The following NPAT variants were observed in gnomAD, a reference collection of about 807,000 sequenced individuals.
The protein encoded by NPAT is nuclear protein, coactivator of histone transcription.
A neutral mutation model predicts 130.7 loss-of-function variants in NPAT; 52 were observed. The observed-to-expected ratio is 0.40, with a 90% CI of 0.32 to 0.50. NPAT has a LOEUF of 0.50. Among genes scored for constraint, NPAT ranks in the 20% least tolerant of loss-of-function variants. The pLI is 0.68. For missense variants in NPAT, 1,687 were observed against 1,662.6 expected (o/e 1.01, Z -0.26); for synonymous variants, 580 against 584.8 (o/e 0.99, Z 0.12).
rs111468348 is a variant in NPAT, at chr11:108,213,778, C to T, written c.37+8722G>A. ...TACTGTAAAGCTACAGTAATCCAGA[C>T]GATGTACGGGCATGAGGTTAGACAC... On this transcript the variant is annotated intron_variant, in intron 1 of 17. Coordinates refer to ENST00000278612, the MANE Select transcript of NPAT (RefSeq NM_002519.3). Among the ~76,000 whole-genome samples, 300 of 152,172 alleles carry T rather than the reference C, an allele frequency of 2.0e-3. 1 individual carries two copies. Among genetic ancestry groups the T allele is most frequent in the Non-Finnish European group, 3.5e-3 (235 of 68,004 alleles).
intron 1 of NPAT, among the ~76,000 whole-genome samples, chr11:108,218,032 C>A (rs879853974): frequency 1.3e-5 from 2 of 152,040 alleles, no homozygotes; most frequent in Non-Finnish European, 2.9e-5. Flanking sequence ...AAACTAGGCA[C>A]TAATCATCTC....
intron 15 of NPAT, among the ~76,000 whole-genome samples, chr11:108,166,530 A>G (rs2077904477): frequency 6.6e-6 from 1 of 152,184 alleles, no homozygotes; most frequent in Non-Finnish European, 1.5e-5. Context: ...TGTATGAGGA[A>G]GGGATCTACT....
chr11:108,176,959 T>A (rs919512565), intron 11 of NPAT, 35 bp downstream of exon 11: 4 of 1,355,408 alleles, frequency 3.0e-6, no homozygotes, highest in Middle Eastern at 1.8e-4. Context: ...TGTAGAAGCC[T>A]TTTTTTTCTG....
rs1210412842 is a variant in NPAT at position 108,189,032 on chromosome 11, A to T, written c.556+74T>A. ...GCCATAATTTTACACTATGAGTATAAAGACATTAGTATATTATCTCATTCA... is the reference window on the plus strand; with the variant it reads ...GCCATAATTTTACACTATGAGTATATAGACATTAGTATATTATCTCATTCA... On this transcript the variant is annotated intron_variant, in intron 6 of 17. Coordinates refer to ENST00000278612, the MANE Select transcript of NPAT (RefSeq NM_002519.3). 3 of 1,189,966 alleles carry T rather than the reference A, an allele frequency of 2.5e-6. No homozygotes were observed. The African/African-American group carries it at 4.5e-5, about 18-fold the overall frequency. 73.7% of individuals were successfully genotyped at this position (1,189,966 alleles called of 1,614,324 possible). A position where few individuals can be genotyped will look rare whatever the true frequency, so the allele number is the denominator to read the frequency against.
chr11:108,190,394 T>C, intron 5 of NPAT, 66 bp downstream of exon 5: 1 of 1,209,150 alleles, frequency 8.3e-7, no homozygotes, highest in South Asian at 1.2e-5. Context: ...TACAATGAAT[T>C]AAAATGTTCA....
chr11:108,185,977 T>C (rs2078103911), intron 8 of NPAT, among the ~76,000 whole-genome samples: 1 of 151,910 alleles, frequency 6.6e-6, no homozygotes, highest in African/African-American at 2.4e-5. Context: ...GGCTTTGGCC[T>C]CTCAAAGTGC....
In NPAT at chr11:108,172,799, A is replaced by C. The variant is rs766888217; in HGVS notation, c.2185T>G (p.Ser729Ala). ...ATATTTGATGCATCTATCTCTGCTG[A>C]GTTGTTGCTAGAAGGTTTATCATCA... ...NTDDKPSSNNSAEIDASNIVS... is the reference protein window; with the variant it reads ...NTDDKPSSNNAAEIDASNIVS... Residue 729 changes from serine (S) to alanine (A), a missense_variant, in exon 13 of 18, where the codon TCA (serine) becomes GCA (alanine). By Grantham distance (99) the Ser-to-Ala change is moderately conservative. Transcript: ENST00000278612. 11 of 1,613,618 alleles carry C rather than the reference A, an allele frequency of 6.8e-6. No individual in the cohort carries two copies. Among genetic ancestry groups the C allele is most frequent in the Non-Finnish European group, 9.3e-6 (11 of 1,179,942 alleles).
At chr11:108,165,481 T>TG (rs1451173385) in intron 15 of NPAT, among the ~76,000 whole-genome samples, 12 of 147,548 alleles carry the variant, frequency 8.1e-5, no homozygotes, top group South Asian at 4.2e-4. Flanking sequence ...TATTTTTTTT[T>TG]TGTGATAGGG....
At chr11:108,214,660 C>A (rs2134901457) in intron 1 of NPAT, among the ~76,000 whole-genome samples, 1 of 145,062 alleles carries the variant, frequency 6.9e-6, no homozygotes, top group Non-Finnish European at 1.5e-5. Context: ...GAGATGGAGT[C>A]CCGCTCTTGT....
intron 1 of NPAT, among the ~76,000 whole-genome samples, chr11:108,202,942 C>A (rs2078287989): frequency 6.6e-6 from 1 of 152,072 alleles, no homozygotes; most frequent in Non-Finnish European, 1.5e-5. Context: ...TGATAATGGG[C>A]CTTACTTCAA....
rs774604484 is a variant in NPAT, at chr11:108,173,064, T to C, written c.1920A>G (p.Ala640=). The C allele has an allele frequency of 6.2e-7, 1 of 1,614,062 alleles. No individual in the cohort carries two copies. Among genetic ancestry groups the C allele is most frequent in the East Asian group, 2.2e-5 (1 of 44,878 alleles). Residue 640 remains alanine (A), a synonymous_variant, in exon 13 of 18, where the codon GCA becomes GCG. Transcript: ENST00000278612. The part of the protein sequence containing the change: ...SSTKQPSNDS[A]SVELNHTENE... Reference sequence around the variant, plus strand: ...TTTCTGTATGATTTAACTCAACAGATGCTGAATCATTAGATGGTTGTTTAG... The same window carrying C: ...TTTCTGTATGATTTAACTCAACAGACGCTGAATCATTAGATGGTTGTTTAG...
chr11:108,210,589 A>G (rs1259104222), intron 1 of NPAT, among the ~76,000 whole-genome samples: 1 of 152,202 alleles, frequency 6.6e-6, no homozygotes, highest in Non-Finnish European at 1.5e-5. Context: ...TTTCTTTATA[A>G]GTTACCCACT....
At position 108,161,801 on chromosome 11, in the gene NPAT, A is replaced by G; in HGVS notation, c.3285T>C (p.Phe1095=). The change falls in exon 17 of 18, where the codon TTT becomes TTC. Residue 1095 remains phenylalanine (F), a synonymous_variant. Coordinates refer to ENST00000278612, the MANE Select transcript of NPAT (RefSeq NM_002519.3). ...ACACATTGGGTGAGTCAAGATTAGG[A>G]AAAGAGACTGCATTCCTTTCTTTGT... ...SQNKERNAVS[F]PNLDSPNVSS... 6.2e-7 allele frequency: 1 copy of G among 1,614,032 alleles called. No individual in the cohort carries two copies. The highest frequency in any genetic ancestry group is 8.5e-7 in the Non-Finnish European group (1 of 1,180,038).
Position 108,192,202 on chromosome 11 carries a change from G to C in NPAT, c.218-12C>G. On this transcript the variant is annotated splice_polypyrimidine_tract_variant and intron_variant, in intron 3 of 17. Transcript: ENST00000278612. Reference sequence around the variant, plus strand: ...ATTATTTGATGTTTCTAAATCATAGGAGAAAAGGTTCTTAATAAACCCAGC... The same window carrying C: ...ATTATTTGATGTTTCTAAATCATAGCAGAAAAGGTTCTTAATAAACCCAGC... 2 of 1,561,434 alleles carry C rather than the reference G, an allele frequency of 1.3e-6. No homozygotes were observed. Among genetic ancestry groups the C allele is most frequent in the Non-Finnish European group, 1.8e-6 (2 of 1,132,420 alleles).
chr11:108,169,470 A>G (rs1207048332), intron 15 of NPAT, among the ~76,000 whole-genome samples: 2 of 152,230 alleles, frequency 1.3e-5, no homozygotes, highest in Non-Finnish European at 2.9e-5. Flanking sequence ...AGCTGTTGGG[A>G]AAAATAGGGA....
intron 10 of NPAT, among the ~76,000 whole-genome samples, chr11:108,177,450 G>A (rs1398074983): frequency 6.6e-6 from 1 of 152,082 alleles, no homozygotes; most frequent in African/African-American, 2.4e-5. Flanking sequence ...GTGGGCCACT[G>A]TACTCAGCGT....
intron 11 of NPAT, 122 bp downstream of exon 11, chr11:108,176,872 T>C (rs573250480): frequency 7.4e-6 from 5 of 676,916 alleles, no homozygotes; most frequent in South Asian, 6.4e-5. Flanking sequence ...CATATAATGT[T>C]TGATGAAATG....
At position 108,172,810 on chromosome 11, in the gene NPAT, G is replaced by T; in HGVS notation, c.2174C>A (p.Ser725Tyr). The T allele has an allele frequency of 6.3e-7, 1 of 1,577,462 alleles. No individual in the cohort carries two copies. Among genetic ancestry groups the T allele is most frequent in the Non-Finnish European group, 8.7e-7 (1 of 1,147,592 alleles). ...PESQNTDDKPSSNNSAEIDAS... is the reference protein window; with the variant it reads ...PESQNTDDKPYSNNSAEIDAS... The stretch of plus-strand genomic sequence containing the variant: ...ATCTATCTCTGCTGAGTTGTTGCTA[G>T]AAGGTTTATCATCAGTATTTTGGGA... The change falls in exon 13 of 18, where the codon TCT becomes TAT. Residue 725 changes from serine (S) to tyrosine (Y), a missense_variant. By Grantham distance (144) the Ser-to-Tyr change is moderately radical. Transcript: ENST00000278612.
chr11:108,174,518 G>T (rs1228206573), intron 12 of NPAT, among the ~76,000 whole-genome samples: 7 of 144,588 alleles, frequency 4.8e-5, no homozygotes, highest in African/African-American at 1.8e-4. Flanking sequence ...GGAACAAAAG[G>T]TACCATGAGA....
Sources: allele counts gnomAD v4.1 joint callset (sites outside exome capture counted in the v4.1 genomes callset), GRCh38; gene constraint gnomAD v4.1.1; transcripts MANE v1.5; gene names NCBI Gene and HGNC (gene_info 2026-07-23, HGNC 2026-07-21).